The following NRXN2 variants were observed in gnomAD, a reference collection of about 807,000 sequenced individuals.
NRXN2 encodes neurexin-2-beta.
In NRXN2, 29 loss-of-function variants were observed where a neutral mutation model predicts 128.8. That is an observed-to-expected ratio of 0.23 (90% CI 0.17 to 0.31). The LOEUF (loss-of-function observed/expected upper bound fraction) is 0.31. Ranked by LOEUF, NRXN2 falls within the 10% of genes least tolerant of loss-of-function variation. NRXN2 has a pLI of 1.00. For synonymous variants in NRXN2, 1,098 were observed against 1,075.2 expected (o/e 1.02, Z -0.41); for missense variants, 1,881 against 2,452.6 (o/e 0.77, Z 4.92).
intron 17 of NRXN2, among the ~76,000 whole-genome samples, chr11:64,640,834 G>C (rs892617654): frequency 5.3e-5 from 8 of 152,162 alleles, no homozygotes; most frequent in African/African-American, 1.9e-4. Flanking sequence ...CAGAAAGATT[G>C]GAGGTGATAC....
At chr11:64,653,100 A>G (rs568266868) in intron 12 of NRXN2, among the ~76,000 whole-genome samples, 26 of 152,186 alleles carry the variant, frequency 1.7e-4, no homozygotes, top group Admixed American at 1.1e-3. Flanking sequence ...GCCCAGGCGC[A>G]CTGGGATGTC....
Position 64,651,059 on chromosome 11 carries a change from G to T in NRXN2, c.2918+196C>A, listed in dbSNP as rs1001780690. Among the ~76,000 whole-genome samples, 1 of 152,198 alleles carries T rather than the reference G, an allele frequency of 6.6e-6. No homozygotes were observed. Among genetic ancestry groups the T allele is most frequent in the African/African-American group, 2.4e-5 (1 of 41,448 alleles). ...GAACTCTGGCAAGGAAGCAGCTGGG[G>T]AGTCAGCAGTGGAAGAGGGTGTGCT... On this transcript the variant is annotated intron_variant, in intron 14 of 22. Coordinates refer to ENST00000265459, the MANE Select transcript of NRXN2 (RefSeq NM_015080.4). This position sits in a 1 kb window ranked among gnomAD's most constrained non-coding sequence, Gnocchi z 5.9.
chr11:64,709,994 A>C (rs1592282494), intron 2 of NRXN2, among the ~76,000 whole-genome samples: 2 of 145,588 alleles, frequency 1.4e-5, no homozygotes, highest in South Asian at 4.3e-4. Flanking sequence ...TGCAACCTAC[A>C]CCTCCCAGGT....
Position 64,651,245 on chromosome 11 carries a change from AG to A in NRXN2, c.2918+9del. ...CCTCCTTGACAGCAGTGCAATCCCC[AG>A]CCCCTCACCCCTTGACCAGCTCGAT... On this transcript the variant is annotated intron_variant, in intron 14 of 22. Transcript: ENST00000265459. The surrounding 1 kb of genome is among the most constrained non-coding windows in gnomAD (Gnocchi z 5.9). The A allele has an allele frequency of 1.2e-6, 2 of 1,613,958 alleles. No homozygotes were observed. Among genetic ancestry groups the A allele is most frequent in the Non-Finnish European group, 1.7e-6 (2 of 1,180,018 alleles).
At chr11:64,612,143 C>A (rs1038073186) in intron 22 of NRXN2, among the ~76,000 whole-genome samples, 1 of 152,164 alleles carries the variant, frequency 6.6e-6, no homozygotes, top group African/African-American at 2.4e-5. Context: ...CCGGATCACA[C>A]ACCAGTTCAG....
intron 17 of NRXN2, among the ~76,000 whole-genome samples, chr11:64,647,847 A>C (rs1467029603): frequency 6.6e-6 from 1 of 152,212 alleles, no homozygotes; most frequent in African/African-American, 2.4e-5. Context: ...TGTCTGTGTG[A>C]GGTACAAGTA....
At chr11:64,670,364 G>A (rs1046962232) in intron 7 of NRXN2, among the ~76,000 whole-genome samples, 9 of 152,130 alleles carry the variant, frequency 5.9e-5, no homozygotes, top group Admixed American at 1.3e-4. Context: ...AGAGGGAAGG[G>A]TCAAAGTATT....
intron 9 of NRXN2, among the ~76,000 whole-genome samples, chr11:64,666,294 T>G (rs1243473724): frequency 6.6e-6 from 1 of 150,656 alleles, no homozygotes; most frequent in Non-Finnish European, 1.5e-5. Context: ...CTCTGCCTCC[T>G]GGGTTCAAGC....
intron 17 of NRXN2, among the ~76,000 whole-genome samples, chr11:64,639,248 C>T (rs1050834429): frequency 2.0e-4 from 30 of 152,300 alleles, no homozygotes; most frequent in Admixed American, 7.2e-4. Context: ...CTCTAATGGT[C>T]TAGATCCCTG....
rs780221874 is a variant in NRXN2 at position 64,635,222 on chromosome 11, T to C, written c.3585+49A>G. ...CATGGCAATGAGGGGCTGAACTGAT[T>C]TGGGAGCAGGAAGCTTGAGGTTGAA... On this transcript the variant is annotated intron_variant, in intron 18 of 22. Transcript: ENST00000265459. The surrounding 1 kb of genome is among the most constrained non-coding windows in gnomAD (Gnocchi z 4.8). 2 of 1,603,620 alleles carry C rather than the reference T, an allele frequency of 1.2e-6. No homozygotes were observed. The highest frequency in any genetic ancestry group is 1.7e-6 in the Non-Finnish European group (2 of 1,173,474).
intron 6 of NRXN2, 27 bp downstream of exon 6, chr11:64,685,619 C>A (rs773534537): frequency 1.2e-6 from 2 of 1,613,768 alleles, no homozygotes; most frequent in South Asian, 2.2e-5. Context: ...TATAGCTAAT[C>A]CCTGGCCTTC....
chr11:64,688,461 T>C (rs766985856), intron 5 of NRXN2: 22 of 985,230 alleles, frequency 2.2e-5, no homozygotes, highest in Non-Finnish European at 2.5e-5. Context: ...GGTCGGAGCA[T>C]GACTTCAAGG....
rs924895383 is a variant in NRXN2 at position 64,630,288 on chromosome 11, G to A, written c.3757+114C>T. 1.2e-5 allele frequency: 12 copies of A among 990,626 alleles called. No individual in the cohort carries two copies. Among genetic ancestry groups the A allele is most frequent in the Non-Finnish European group, 1.6e-5 (11 of 697,486 alleles). 61.4% of individuals were successfully genotyped at this position (990,626 alleles called of 1,614,324 possible). On this transcript the variant is annotated intron_variant, in intron 19 of 22. Transcript: ENST00000265459. The surrounding 1 kb of genome is among the most constrained non-coding windows in gnomAD (Gnocchi z 4.6). ...GTCTCTCCAGTAGCCCCGCCCCAGA[G>A]CCGCTTAGCCCCGCCCCAGAGCCGC...
chr11:64,644,085 T>C (rs1207871370), intron 17 of NRXN2, among the ~76,000 whole-genome samples: 1 of 151,894 alleles, frequency 6.6e-6, no homozygotes, highest in East Asian at 1.9e-4. Flanking sequence ...TCACAGACAC[T>C]GGCACACCAA....
chr11:64,696,753 G>A (rs577859728), intron 3 of NRXN2, among the ~76,000 whole-genome samples: 49 of 152,202 alleles, frequency 3.2e-4, no homozygotes, highest in Non-Finnish European at 6.8e-4. Context: ...CCCCAGGGAC[G>A]CCCTTGCCCT....
At position 64,652,232 on chromosome 11, in the gene NRXN2, G is replaced by A. The variant is rs2047567039; in HGVS notation, c.2417-78C>T. 4.6e-6 allele frequency: 7 copies of A among 1,529,368 alleles called. No individual in the cohort carries two copies. The South Asian group carries it at 8.3e-5, about 18-fold the overall frequency. The allele number at this position is 1,529,368 out of a possible 1,614,324, so 94.7% of individuals were successfully genotyped here. A position where few individuals can be genotyped will look rare whatever the true frequency, so the allele number is the denominator to read the frequency against. ...CTTCCTATATCACCTTGGATACACA[G>A]ACAGCCTCCCCATCCCCGCACATGC... On this transcript the variant is annotated intron_variant, in intron 12 of 22. Transcript: ENST00000265459.
At chr11:64,709,147 G>A (rs1378609320) in intron 2 of NRXN2, among the ~76,000 whole-genome samples, 3 of 148,466 alleles carry the variant, frequency 2.0e-5, no homozygotes, top group African/African-American at 7.5e-5. Context: ...AGCTGAGATC[G>A]TGCCATCGCA....
intron 5 of NRXN2, among the ~76,000 whole-genome samples, chr11:64,689,480 C>A (rs935919563): frequency 7.9e-5 from 12 of 152,146 alleles, no homozygotes; most frequent in Admixed American, 3.3e-4. Context: ...AGTAACAGAG[C>A]CCATTGGCTC....
chr11:64,667,195 G>A lies in NRXN2; in HGVS notation c.1798+55C>T, dbSNP rs1011667751. On this transcript the variant is annotated intron_variant, in intron 9 of 22. Coordinates refer to ENST00000265459, the MANE Select transcript of NRXN2 (RefSeq NM_015080.4). This position sits in a 1 kb window ranked among gnomAD's most constrained non-coding sequence, Gnocchi z 5.6. ...CTGAAGAGAGACGGAGAGGATGTCA[G>A]GGCAGATGGAAAGGGGTGGCCCATG... 2 of 1,566,764 alleles carry A rather than the reference G, an allele frequency of 1.3e-6. No homozygotes were observed. The highest frequency in any genetic ancestry group is 8.8e-7 in the Non-Finnish European group (1 of 1,138,542).
Sources: allele counts gnomAD v4.1 joint callset (sites outside exome capture counted in the v4.1 genomes callset), GRCh38; gene constraint gnomAD v4.1.1; non-coding constraint Gnocchi (gnomAD v3.1); transcripts MANE v1.5; gene names NCBI Gene and HGNC (gene_info 2026-07-23, HGNC 2026-07-21).